OSBPL6: variants seen among roughly 807,000 people sequenced by gnomAD.
OSBPL6 encodes the protein oxysterol binding protein like 6.
In OSBPL6, 49 loss-of-function variants were observed where a neutral mutation model predicts 125.8. That is an observed-to-expected ratio of 0.39 (90% confidence interval 0.31 to 0.49). The LOEUF is 0.49. Ranked by LOEUF, OSBPL6 falls within the 20% of genes least tolerant of loss-of-function variation. The pLI, the probability that OSBPL6 is intolerant of heterozygous loss-of-function variation, is 0.88. For synonymous variants in OSBPL6, 394 were observed against 391.8 expected (o/e 1.01, Z -0.07); for missense variants, 986 against 1,135.4 (o/e 0.87, Z 1.89).
rs376731330 is a variant in OSBPL6 at position 178,258,343 on chromosome 2, G to T, written c.-350-26584G>T. Among the ~76,000 whole-genome samples the T allele has an allele frequency of 1.4e-4, 21 of 151,408 alleles. No homozygotes were observed. In the East Asian group the frequency reaches 2.9e-3, roughly 21 times the overall value. On this transcript the variant is annotated intron_variant, in intron 1 of 24. Transcript: ENST00000190611. ...ACTTCTGGCCTCAAGCGATCGGCCC[G>T]CCTCGGCCTCCCAGAGTGCTGAGAT...
chr2:178,318,980 G>A (rs148994436), intron 3 of OSBPL6, among the ~76,000 whole-genome samples: 1 of 152,324 alleles, frequency 6.6e-6, no homozygotes, highest in Non-Finnish European at 1.5e-5. Context: ...CCTACCCTGT[G>A]ACTTGCAGTG....
At chr2:178,344,045 A>AT (rs1690469203) in intron 11 of OSBPL6, among the ~76,000 whole-genome samples, 1 of 152,274 alleles carries the variant, frequency 6.6e-6, no homozygotes, top group African/African-American at 2.4e-5. Context: ...TTATAACTCC[A>AT]TCTCCTTTTG....
intron 14 of OSBPL6, among the ~76,000 whole-genome samples, chr2:178,372,678 T>C (rs771022739): frequency 1.4e-5 from 2 of 141,522 alleles, no homozygotes; most frequent in Non-Finnish European, 3.0e-5. Context: ...AAGATAATAC[T>C]AACGGTGCTG....
chr2:178,282,536 G>A (rs575822356), intron 1 of OSBPL6, among the ~76,000 whole-genome samples: 2 of 152,246 alleles, frequency 1.3e-5, no homozygotes, highest in African/African-American at 4.8e-5. Flanking sequence ...ATAGCACAGG[G>A]GACTCTTTAG....
rs142529517 is a variant in OSBPL6 at position 178,323,810 on chromosome 2, C to G, written c.103-367C>G. Reference sequence around the variant, plus strand: ...ACCTTTCTTTTTGTCTGTTGCTATTCCCAGTTGGAGAGATGAGCAAATATT... The same window carrying G: ...ACCTTTCTTTTTGTCTGTTGCTATTGCCAGTTGGAGAGATGAGCAAATATT... On this transcript the variant is annotated intron_variant, in intron 3 of 24. Transcript: ENST00000190611. 3.9e-3 allele frequency: 608 copies of G among 155,204 alleles called. 5 individuals are homozygous for G. Among genetic ancestry groups the G allele is most frequent in the African/African-American group, 0.014 (582 of 41,624 alleles). The allele number at this position is 155,204 out of a possible 1,614,324, so 9.6% of individuals were successfully genotyped here.
chr2:178,311,088 C>T (rs1687230088), intron 3 of OSBPL6, among the ~76,000 whole-genome samples: 1 of 152,158 alleles, frequency 6.6e-6, no homozygotes, highest in Non-Finnish European at 1.5e-5. Context: ...CATCTCTGTC[C>T]AAATAATATT....
intron 11 of OSBPL6, among the ~76,000 whole-genome samples, chr2:178,348,390 T>C (rs1690928979): frequency 1.3e-5 from 2 of 152,218 alleles, no homozygotes; most frequent in South Asian, 2.1e-4. Flanking sequence ...ATTTTCCTTT[T>C]CCAGGAATGT....
intron 1 of OSBPL6, among the ~76,000 whole-genome samples, chr2:178,234,582 A>G (rs1303613520): frequency 2.0e-5 from 3 of 152,230 alleles, no homozygotes; most frequent in Non-Finnish European, 2.9e-5. Context: ...TGACATAGAC[A>G]TTAGTACAAT....
At chr2:178,296,008 G>A (rs947803275) in intron 2 of OSBPL6, among the ~76,000 whole-genome samples, 6 of 152,042 alleles carry the variant, frequency 3.9e-5, no homozygotes, top group Non-Finnish European at 7.3e-5. Flanking sequence ...GGGGCTTTAG[G>A]TCTGTGAGTT....
intron 1 of OSBPL6, among the ~76,000 whole-genome samples, chr2:178,204,581 C>G (rs2089436123): frequency 6.6e-6 from 1 of 152,168 alleles, no homozygotes; most frequent in Non-Finnish European, 1.5e-5. Flanking sequence ...CTGATAATAT[C>G]TTGAAAACTA....
At chr2:178,333,110 C>T in intron 8 of OSBPL6, 69 bp downstream of exon 8, 1 of 1,544,026 alleles carries the variant, frequency 6.5e-7, no homozygotes, top group Non-Finnish European at 8.9e-7. Flanking sequence ...TGGCCAGGCA[C>T]TGTGGCTCAC....
intron 3 of OSBPL6, among the ~76,000 whole-genome samples, chr2:178,315,639 C>A (rs979453958): frequency 6.6e-6 from 1 of 152,094 alleles, no homozygotes; most frequent in African/African-American, 2.4e-5. Context: ...CTCTTGTTAC[C>A]TTGAGATGAC....
chr2:178,211,131 T>C (rs1369901922), intron 1 of OSBPL6, among the ~76,000 whole-genome samples: 1 of 152,148 alleles, frequency 6.6e-6, no homozygotes, highest in Non-Finnish European at 1.5e-5. Context: ...CTTAGCCATG[T>C]GTGGTGGTGC....
chr2:178,288,619 TATAAATAGTAG>T (rs1169663623), intron 2 of OSBPL6, among the ~76,000 whole-genome samples: 1 of 151,988 alleles, frequency 6.6e-6, no homozygotes, highest in Non-Finnish European at 1.5e-5. Flanking sequence ...GGTTTTCATA[TATAAATAGTAG>T]GGAAAAGGGA....
intron 3 of OSBPL6, among the ~76,000 whole-genome samples, chr2:178,308,152 T>G (rs1686950955): frequency 6.6e-6 from 1 of 152,222 alleles, no homozygotes; most frequent in Non-Finnish European, 1.5e-5. Flanking sequence ...AAAACTTTCT[T>G]CCCTGGTTCC....
At chr2:178,300,448 C>CT (rs1431768232) in intron 2 of OSBPL6, among the ~76,000 whole-genome samples, 2 of 152,182 alleles carry the variant, frequency 1.3e-5, no homozygotes, top group African/African-American at 4.8e-5. Flanking sequence ...TGAAGGTCTG[C>CT]TTTTTTTGTC....
chr2:178,306,157 T>G lies in OSBPL6; in HGVS notation c.-28T>G, dbSNP rs767846418. The stretch of plus-strand genomic sequence containing the variant: ...GAGAGAAGATTGGGATGGTCTTAAG[T>G]GCATAAAACGAGACTCTAACTGCAG... On this transcript the variant is annotated 5_prime_UTR_variant, in exon 3 of 25. Coordinates refer to ENST00000190611, the MANE Select transcript of OSBPL6 (RefSeq NM_032523.4). The G allele has an allele frequency of 2.2e-5, 30 of 1,392,478 alleles. No homozygotes were observed. Among genetic ancestry groups the G allele is most frequent in the Middle Eastern group, 1.8e-4 (1 of 5,650 alleles). 86.3% of individuals were successfully genotyped at this position (1,392,478 alleles called of 1,614,324 possible). A position where few individuals can be genotyped will look rare whatever the true frequency, so the allele number is the denominator to read the frequency against.
chr2:178,363,740 A>G (rs1359025466), intron 13 of OSBPL6, among the ~76,000 whole-genome samples: 1 of 152,236 alleles, frequency 6.6e-6, no homozygotes, highest in African/African-American at 2.4e-5. Flanking sequence ...TTGTCAACAC[A>G]TATTTATTTG....
chr2:178,264,619 AG>A (rs1283841253), intron 1 of OSBPL6, among the ~76,000 whole-genome samples: 1 of 152,216 alleles, frequency 6.6e-6, no homozygotes, highest in African/African-American at 2.4e-5. Flanking sequence ...TTCAGTCTGC[AG>A]GCAATACTTC....
Sources: gnomAD v4.1 joint callset for allele counts (sites outside exome capture counted in the v4.1 genomes callset) on GRCh38, gnomAD v4.1.1 for gene constraint, MANE v1.5 for transcripts, NCBI Gene and HGNC (gene_info 2026-07-23, HGNC 2026-07-21) for gene names.